Variants in TASP1 observed in about 807,000 individuals in gnomAD.
TASP1 encodes the protein threonine aspartase 1.
A neutral mutation model predicts 56.6 loss-of-function variants in TASP1; 16 were observed. The ratio of observed to expected loss-of-function variants is 0.28; its 90% confidence interval spans 0.19 to 0.43. The LOEUF is 0.43. Ranked by LOEUF, TASP1 falls within the 20% of genes least tolerant of loss-of-function variation. The pLI is 1.00. For synonymous variants in TASP1, 179 were observed against 184.2 expected (o/e 0.97, Z 0.23); for missense variants, 393 against 511.6 (o/e 0.77, Z 2.24).
chr20:13,637,959 G>A (rs1356586610), intron 1 of TASP1, among the ~76,000 whole-genome samples: 1 of 152,208 alleles, frequency 6.6e-6, no homozygotes, highest in Non-Finnish European at 1.5e-5. Flanking sequence ...CACAATGTAT[G>A]TAACTATGCC....
rs111375065 is a variant in TASP1, at chr20:13,540,063, C to G, written c.676-5922G>C. On this transcript the variant is annotated intron_variant, in intron 8 of 13. Coordinates refer to ENST00000337743, the MANE Select transcript of TASP1 (RefSeq NM_017714.3). The stretch of plus-strand genomic sequence containing the variant: ...TAAATCATTTCTATTCTCACTCATA[C>G]GCAGTTTAATTAATATCATTTAACT... 3.3e-5 allele frequency among the ~76,000 whole-genome samples: 5 copies of G among 152,212 alleles called. No individual in the cohort carries two copies. In the East Asian group the frequency reaches 5.8e-4, roughly 18 times the overall value.
chr20:13,171,017 T>C, the TASP1 span, among the ~76,000 whole-genome samples: 1 of 152,230 alleles, frequency 6.6e-6, no homozygotes, highest in Non-Finnish European at 1.5e-5. Flanking sequence ...GGTAGCAATG[T>C]GGGGTCATGG....
intron 13 of TASP1, among the ~76,000 whole-genome samples, chr20:13,414,562 A>G (rs2042191564): frequency 6.6e-6 from 1 of 152,196 alleles, no homozygotes; most frequent in African/African-American, 2.4e-5. Flanking sequence ...AAGAAACCTA[A>G]TTTCATGTAT....
chr20:13,629,944 C>G lies in TASP1; in HGVS notation c.135G>C (p.Leu45Phe). 2 of 1,613,382 alleles carry G rather than the reference C, an allele frequency of 1.2e-6. No homozygotes were observed. Among genetic ancestry groups the G allele is most frequent in the Non-Finnish European group, 1.7e-6 (2 of 1,179,764 alleles). ...ATCCACAAAGCTTACCTGCATGCAC[C>G]AACACAAAGCCTCCTCGTTTCTCTT... Reference protein sequence around the residue: ...SYKEKRGGFVLVHAGAGYHSE... With the variant: ...SYKEKRGGFVFVHAGAGYHSE... Residue 45 changes from leucine to phenylalanine, a missense_variant, in exon 2 of 14, where the codon TTG becomes TTC. Physicochemically the swap from Leu to Phe is conservative, Grantham distance 22. Coordinates refer to ENST00000337743, the MANE Select transcript of TASP1 (RefSeq NM_017714.3).
the TASP1 span, among the ~76,000 whole-genome samples, chr20:13,340,967 T>C: frequency 4.6e-5 from 7 of 152,236 alleles, no homozygotes; most frequent in Admixed American, 2.6e-4. Context: ...AATTCAAGTA[T>C]TGTGACTACA....
chr20:13,187,941 A>T, the TASP1 span, among the ~76,000 whole-genome samples: 1 of 151,894 alleles, frequency 6.6e-6, no homozygotes, highest in South Asian at 2.1e-4. Context: ...GTGTGTATAT[A>T]CATATATATA....
intron 4 of TASP1, among the ~76,000 whole-genome samples, chr20:13,605,864 T>C (rs1195934473): frequency 1.3e-5 from 2 of 152,154 alleles, no homozygotes; most frequent in African/African-American, 4.8e-5. Context: ...AATGGTTTCC[T>C]AGCACACTTA....
At chr20:13,563,365 C>A (rs940514046) in intron 7 of TASP1, among the ~76,000 whole-genome samples, 7 of 151,790 alleles carry the variant, frequency 4.6e-5, no homozygotes, top group Admixed American at 1.3e-4. Flanking sequence ...AACATTTAAA[C>A]AACAAACACC....
intron 13 of TASP1, among the ~76,000 whole-genome samples, chr20:13,399,447 G>C (rs551395737): frequency 6.6e-6 from 1 of 152,190 alleles, no homozygotes; most frequent in Middle Eastern, 3.4e-3. Flanking sequence ...TTCCCCTCAA[G>C]TCTTTTCCCC....
chr20:13,128,871 ATTTTTTTTTTT>A, the TASP1 span, among the ~76,000 whole-genome samples: 2 of 114,232 alleles, frequency 1.8e-5, no homozygotes, highest in Non-Finnish European at 3.5e-5. Context: ...TGCCCAGCTA[ATTTTTTTTTTT>A]TTTTTTTTTT....
intron 11 of TASP1, among the ~76,000 whole-genome samples, chr20:13,443,922 A>G (rs1025818873): frequency 6.6e-6 from 1 of 152,292 alleles, no homozygotes; most frequent in African/African-American, 2.4e-5. Flanking sequence ...TAGAGTTAGG[A>G]TTAGACAAAC....
At chr20:13,512,837 G>A (rs558472503) in intron 10 of TASP1, among the ~76,000 whole-genome samples, 40 of 152,074 alleles carry the variant, frequency 2.6e-4, no homozygotes, top group Admixed American at 1.2e-3. Flanking sequence ...CAGTTTTCCC[G>A]GCACCATTTA....
chr20:13,486,437 AT>A (rs1481427133), intron 10 of TASP1, among the ~76,000 whole-genome samples: 1 of 152,162 alleles, frequency 6.6e-6, no homozygotes, highest in African/African-American at 2.4e-5. Flanking sequence ...CACATAATAA[AT>A]TCATAACTTA....
intron 13 of TASP1, among the ~76,000 whole-genome samples, chr20:13,407,861 G>T (rs1056139271): frequency 3.3e-5 from 5 of 151,984 alleles, no homozygotes; most frequent in African/African-American, 1.2e-4. Context: ...GTACTTACTG[G>T]CTATTTGTAT....
the TASP1 span, among the ~76,000 whole-genome samples, chr20:13,233,432 C>G: frequency 6.6e-6 from 1 of 151,826 alleles, no homozygotes; most frequent in Non-Finnish European, 1.5e-5. Flanking sequence ...CCCATCTCTA[C>G]TGACAATACA....
downstream of TASP1, among the ~76,000 whole-genome samples, chr20:13,385,778 A>G (rs2041158971): frequency 6.6e-6 from 1 of 152,096 alleles, no homozygotes. Context: ...TCCTGTAGGA[A>G]CTCTCTCAAA....
chr20:13,433,520 C>CAAAAAAA (rs74746255), intron 12 of TASP1, among the ~76,000 whole-genome samples: 14 of 89,188 alleles, frequency 1.6e-4, no homozygotes, highest in African/African-American at 6.2e-4. Context: ...GACAGTATGG[C>CAAAAAAA]AAAAAAAAAA....
the TASP1 span, among the ~76,000 whole-genome samples, chr20:13,350,737 G>A: frequency 6.6e-6 from 1 of 152,004 alleles, no homozygotes; most frequent in East Asian, 1.9e-4. Flanking sequence ...TTGTTACCCA[G>A]AATGAGTGCA....
the TASP1 span, among the ~76,000 whole-genome samples, chr20:13,133,782 G>A: frequency 2.6e-5 from 4 of 152,226 alleles, no homozygotes; most frequent in Admixed American, 2.0e-4. Context: ...TACAGGGATG[G>A]TCCAGTGATT....
Sources: gnomAD v4.1 joint callset for allele counts (sites outside exome capture counted in the v4.1 genomes callset) on GRCh38, gnomAD v4.1.1 for gene constraint, MANE v1.5 for transcripts, NCBI Gene and HGNC (gene_info 2026-07-23, HGNC 2026-07-21) for gene names.